BRWD1: variants seen among roughly 807,000 people sequenced by gnomAD.
The protein encoded by BRWD1 is bromodomain and WD repeat-containing protein 1.
A neutral mutation model predicts 251.2 loss-of-function variants in BRWD1; 82 were observed. That is an observed-to-expected ratio of 0.33 (90% CI 0.27 to 0.39). The LOEUF is 0.39. Among genes scored for constraint, BRWD1 ranks in the 10% least tolerant of loss-of-function variants. The pLI is 1.00. For missense variants in BRWD1, 2,233 were observed against 2,711.6 expected (o/e 0.82, Z 3.92); for synonymous variants, 918 against 902.8 (o/e 1.02, Z -0.30).
At chr21:39,228,667 G>C (rs2033482265) in intron 26 of BRWD1, 85 bp from the exon 27 acceptor site, 2 of 662,822 alleles carry the variant, frequency 3.0e-6, no homozygotes, top group South Asian at 2.2e-5. Context: ...AGAAACATGA[G>C]ATCTACGAAT....
At chr21:39,204,940 A>G (rs531735164) in intron 37 of BRWD1, among the ~76,000 whole-genome samples, 3 of 152,334 alleles carry the variant, frequency 2.0e-5, no homozygotes, top group African/African-American at 7.2e-5. Flanking sequence ...CACAGGGAGC[A>G]GGTGCTGGGG....
chr21:39,199,252 A>G lies in BRWD1; in HGVS notation c.5164T>C (p.Ser1722Pro), dbSNP rs2031984647. 1.2e-6 allele frequency: 2 copies of G among 1,613,780 alleles called. No individual in the cohort carries two copies. The highest frequency in any genetic ancestry group is 2.7e-5 in the African/African-American group (2 of 74,766). ...CGGGCTACCCGCAAATCACTTTCTG[A>G]CTCTGAGTCTCTGTTTTCAGATTCA... ...VDESENRDSE[S>P]ESDLRVARKN... Residue 1722 changes from serine to proline, a missense_variant, in exon 40 of 41, where the codon TCA becomes CCA. Around this residue, in one of 12 missense-constraint regions of BRWD1, gnomAD observed 928 missense variants for 970.0 expected, o/e 0.96. Coordinates refer to ENST00000342449, the MANE Select transcript of BRWD1 (RefSeq NM_033656.4).
In BRWD1 at chr21:39,193,038, C is replaced by T; in HGVS notation, c.*3221G>A. The T allele has an allele frequency of 1.0e-6, 1 of 985,110 alleles. No homozygotes were observed. Among genetic ancestry groups the T allele is most frequent in the South Asian group, 4.7e-5 (1 of 21,288 alleles). The allele number at this position is 985,110 out of a possible 1,614,324, so 61.0% of individuals were successfully genotyped here. ...GAGTGCAAAGGGCTTAGTGATGCAT[C>T]TTATTCTTTACTTTTGGACAGTAAC... is the stretch of plus-strand genomic sequence containing the variant. On this transcript the variant is annotated 3_prime_UTR_variant, in exon 41 of 41. Transcript: ENST00000342449.
chr21:39,204,758 T>C (rs1467793919), intron 37 of BRWD1, among the ~76,000 whole-genome samples: 1 of 152,162 alleles, frequency 6.6e-6, no homozygotes, highest in East Asian at 1.9e-4. Context: ...CCTCAGATCA[T>C]CAGGCATTAG....
chr21:39,194,168 C>A lies in BRWD1; in HGVS notation c.*2091G>T. On this transcript the variant is annotated 3_prime_UTR_variant, in exon 41 of 41. Transcript: ENST00000342449. ...GACCAATTAATGCAGTCCAAATAAT[C>A]AGAATAGTTCTATTAATGAAGCCTA... 1.0e-6 allele frequency: 1 copy of A among 984,564 alleles called. No homozygotes were observed. Among genetic ancestry groups the A allele is most frequent in the African/African-American group, 1.7e-5 (1 of 57,318 alleles). The allele number at this position is 984,564 out of a possible 1,614,324, so 61.0% of individuals were successfully genotyped here. A position where few individuals can be genotyped will look rare whatever the true frequency, so the allele number is the denominator to read the frequency against.
At chr21:39,318,787 T>C (rs1159944001), upstream of BRWD1, among the ~76,000 whole-genome samples, 3 of 152,004 alleles carry the variant, frequency 2.0e-5, no homozygotes, top group Non-Finnish European at 2.9e-5. Flanking sequence ...CCTGGCTAAT[T>C]TTTTACTGTT....
At chr21:39,276,046 A>G (rs1476601881) in intron 12 of BRWD1, 127 bp downstream of exon 12, 6 of 763,500 alleles carry the variant, frequency 7.9e-6, no homozygotes, top group African/African-American at 3.7e-5. Flanking sequence ...AAATAAATAA[A>G]TAAATAAATA....
At chr21:39,203,747 T>A (rs1379624318) in intron 37 of BRWD1, among the ~76,000 whole-genome samples, 1 of 150,800 alleles carries the variant, frequency 6.6e-6, no homozygotes, top group African/African-American at 2.4e-5. Context: ...GCCTTTTAAG[T>A]GGTATCTAGA....
Position 39,264,484 on chromosome 21 carries a change from G to T in BRWD1, c.1861C>A (p.Pro621Thr). Residue 621 changes from proline to threonine, a missense_variant, in exon 17 of 41, where the codon CCA becomes ACA. This residue lies in a region of BRWD1 where 315 missense variants were observed against 421.8 expected (regional missense o/e 0.75). Coordinates refer to ENST00000342449, the MANE Select transcript of BRWD1 (RefSeq NM_033656.4). ...RENSADEHLI[P>T]QLGYVATSDG... ...CTTGTTGCCACATAGCCCAGCTGTG[G>T]AATCAAATGTTCATCTGCAGAATTT... 6.2e-7 allele frequency: 1 copy of T among 1,604,098 alleles called. No individual in the cohort carries two copies. Among genetic ancestry groups the T allele is most frequent in the Non-Finnish European group, 8.5e-7 (1 of 1,176,394 alleles).
upstream of BRWD1, chr21:39,314,371 G>C (rs1180155930): frequency 2.2e-6 from 1 of 455,230 alleles, no homozygotes; most frequent in Admixed American, 2.4e-5. Context: ...AGTCGGGGGA[G>C]CAGCGCGCAG....
chr21:39,226,190 T>C (rs913021257), intron 27 of BRWD1, among the ~76,000 whole-genome samples: 11 of 152,304 alleles, frequency 7.2e-5, no homozygotes, highest in African/African-American at 2.6e-4. Context: ...AGTTTTCTCA[T>C]AATAAAAGTG....
At position 39,199,030 on chromosome 21, in the gene BRWD1, C is replaced by G; in HGVS notation, c.5386G>C (p.Gly1796Arg). 1 of 1,614,124 alleles carries G rather than the reference C, an allele frequency of 6.2e-7. No homozygotes were observed. The highest frequency in any genetic ancestry group is 1.1e-5 in the South Asian group (1 of 91,070). ...TTGTATTTCCTACCACCAGATCTTC[C>G]TGGTTCAGAATCTGCTTCCTCTGAG... ...SISEEADSEP[G>R]RSGGRKYNTF... Residue 1796 changes from glycine (G) to arginine (R), a missense_variant, in exon 40 of 41, where the codon GGA (glycine) becomes CGA (arginine). This residue lies in a region of BRWD1 where 928 missense variants were observed against 970.0 expected (regional missense o/e 0.96). Coordinates refer to ENST00000342449, the MANE Select transcript of BRWD1 (RefSeq NM_033656.4).
At chr21:39,204,387 G>A (rs1318043329) in intron 37 of BRWD1, among the ~76,000 whole-genome samples, 4 of 151,716 alleles carry the variant, frequency 2.6e-5, no homozygotes, top group Non-Finnish European at 5.9e-5. Context: ...ACTAAACATT[G>A]CACAACTCAA....
At chr21:39,305,841 C>T (rs1321768849) in intron 4 of BRWD1, among the ~76,000 whole-genome samples, 1 of 141,886 alleles carries the variant, frequency 7.0e-6, no homozygotes, top group East Asian at 2.1e-4. Flanking sequence ...TCCAGCCTGG[C>T]GACGGTGCAA....
intron 29 of BRWD1, chr21:39,219,776 G>A (rs980116140): frequency 1.3e-5 from 2 of 152,212 alleles, no homozygotes; most frequent in African/African-American, 2.4e-5. Context: ...GCTGAGAGAT[G>A]GGAATTTTTT....
At chr21:39,274,675 G>A (rs934550032) in intron 12 of BRWD1, among the ~76,000 whole-genome samples, 2 of 152,150 alleles carry the variant, frequency 1.3e-5, no homozygotes, top group South Asian at 2.1e-4. Flanking sequence ...CCGGCCCTAT[G>A]AAATAAAACA....
At position 39,313,062 on chromosome 21, in the gene BRWD1, G is replaced by A. The variant is rs1166981121; in HGVS notation, c.138+10C>T. The A allele has an allele frequency of 1.4e-6, 2 of 1,432,596 alleles. No homozygotes were observed. The highest frequency in any genetic ancestry group is 1.8e-6 in the Non-Finnish European group (2 of 1,091,388). 88.7% of individuals were successfully genotyped at this position (1,432,596 alleles called of 1,614,324 possible). A position where few individuals can be genotyped will look rare whatever the true frequency, so the allele number is the denominator to read the frequency against. On this transcript the variant is annotated intron_variant, in intron 3 of 40. Coordinates refer to ENST00000342449, the MANE Select transcript of BRWD1 (RefSeq NM_033656.4). ...AACCCGAGGGAGCGCGGGGACGGGC[G>A]CGCACAGACCTGGTACTGCTCCAGC...
chr21:39,282,478 A>G lies in BRWD1; in HGVS notation c.832-2230T>C, dbSNP rs1417459627. ...GAGAAAAAGTAGTATAATTAAAGTT[A>G]TATTAGTAGTTGGATATTTTTGTTA... On this transcript the variant is annotated intron_variant, in intron 8 of 40. Coordinates refer to ENST00000342449, the MANE Select transcript of BRWD1 (RefSeq NM_033656.4). Among the ~76,000 whole-genome samples, 7 of 152,200 alleles carry G rather than the reference A, an allele frequency of 4.6e-5. No homozygotes were observed. In the South Asian group the frequency reaches 1.4e-3, roughly 32 times the overall value.
At chr21:39,254,868 C>CA (rs1290865230) in intron 19 of BRWD1, among the ~76,000 whole-genome samples, 2 of 152,034 alleles carry the variant, frequency 1.3e-5, no homozygotes, top group Non-Finnish European at 2.9e-5. Context: ...AGCAGTCTTG[C>CA]AAAAAACTGA....
Sources: allele counts gnomAD v4.1 joint callset (sites outside exome capture counted in the v4.1 genomes callset), GRCh38; gene constraint gnomAD v4.1.1; regional missense constraint gnomAD v4.1.1; transcripts MANE v1.5; gene names NCBI Gene and HGNC (gene_info 2026-07-23, HGNC 2026-07-21).